Variants in CTBS observed in about 807,000 individuals in gnomAD.
The protein encoded by CTBS is chitobiase.
CTBS carries 35 observed loss-of-function variants against 44.3 expected under a neutral mutation model. The ratio of observed to expected loss-of-function variants is 0.79; its 90% CI spans 0.60 to 1.05. CTBS has a LOEUF of 1.05. Among genes scored for constraint, CTBS ranks in the 50% least tolerant of loss-of-function variants. The pLI is 0.00. For synonymous variants in CTBS, 143 were observed against 168.0 expected, an observed-to-expected ratio of 0.85 and a Z score of 1.15; for missense variants, 458 against 475.3, an observed-to-expected ratio of 0.96 and a Z score of 0.34.
intron 1 of CTBS, among the ~76,000 whole-genome samples, chr1:84,572,698 C>G (rs1266919686): frequency 6.6e-6 from 1 of 150,792 alleles, no homozygotes; most frequent in South Asian, 2.1e-4. Context: ...CATAGTCTTG[C>G]TCTGTCGCCC....
rs1684334464 is a variant in CTBS, at chr1:84,553,398, C to T, written c.*1601G>A. ...ATTTTAATAATTTAATAATAAAATT[C>T]AATAATAATTTATTTAACAATTTAA... On this transcript the variant is annotated 3_prime_UTR_variant, in exon 7 of 7. Transcript: ENST00000370630. 6.4e-6 allele frequency: 1 copy of T among 156,186 alleles called. No individual in the cohort carries two copies. Among genetic ancestry groups the T allele is most frequent in the East Asian group, 1.8e-4 (1 of 5,474 alleles). The allele number at this position is 156,186 out of a possible 1,614,324, so 9.7% of individuals were successfully genotyped here. A position where few individuals can be genotyped will look rare whatever the true frequency, so the allele number is the denominator to read the frequency against.
chr1:84,570,579 T>G lies in CTBS; in HGVS notation c.316+3A>C. ...TGCACACATAGATCTGGAAACAACA[T>G]ACCTTTAAGTACTACTCTGGCTCCT... On this transcript the variant is annotated splice_donor_region_variant and intron_variant, in intron 2 of 6. Coordinates refer to ENST00000370630, the MANE Select transcript of CTBS (RefSeq NM_004388.3). 6.2e-7 allele frequency: 1 copy of G among 1,605,182 alleles called. No homozygotes were observed. The highest frequency in any genetic ancestry group is 8.5e-7 in the Non-Finnish European group (1 of 1,175,124).
chr1:84,556,445 T>G (rs61699375), intron 6 of CTBS, among the ~76,000 whole-genome samples: 13,625 of 152,028 alleles, frequency 0.09, 1,198 homozygotes, highest in African/African-American at 0.23. Flanking sequence ...GGGCACGGTG[T>G]CTCAGGCCTG....
intron 6 of CTBS, among the ~76,000 whole-genome samples, chr1:84,557,972 T>C (rs1414322117): frequency 6.6e-6 from 1 of 152,114 alleles, no homozygotes; most frequent in Non-Finnish European, 1.5e-5. Context: ...CTAAAGAATG[T>C]GTTTCTTCAT....
chr1:84,568,174 A>G (rs1411336453), intron 3 of CTBS, among the ~76,000 whole-genome samples: 2 of 152,214 alleles, frequency 1.3e-5, no homozygotes, highest in Non-Finnish European at 2.9e-5. Context: ...AGATATTCCT[A>G]CTGCAAGGAT....
At chr1:84,572,465 T>C (rs1048594416) in intron 1 of CTBS, among the ~76,000 whole-genome samples, 25 of 150,818 alleles carry the variant, frequency 1.7e-4, no homozygotes, top group African/African-American at 6.1e-4. Flanking sequence ...GGTGAACTAA[T>C]TGAAAATATA....
chr1:84,558,320 C>T (rs1365455318), intron 6 of CTBS, among the ~76,000 whole-genome samples: 6 of 150,108 alleles, frequency 4.0e-5, no homozygotes, highest in Non-Finnish European at 7.4e-5. Flanking sequence ...GACGGAGTCT[C>T]GCTCTGTCGC....
Position 84,550,687 on chromosome 1 carries a change from A to T in CTBS, c.*4312T>A. 4.2e-6 allele frequency: 5 copies of T among 1,198,004 alleles called. No individual in the cohort carries two copies. Among genetic ancestry groups the T allele is most frequent in the Non-Finnish European group, 5.2e-6 (5 of 957,290 alleles). 74.2% of individuals were successfully genotyped at this position (1,198,004 alleles called of 1,614,324 possible). ...GTAAAGAGCATAGGTGAAAAAAAAAATGCAGGAAGAAAAACTAAACCTGTG... is the reference window on the plus strand; with the variant it reads ...GTAAAGAGCATAGGTGAAAAAAAAATTGCAGGAAGAAAAACTAAACCTGTG... On this transcript the variant is annotated 3_prime_UTR_variant, in exon 7 of 7. Coordinates refer to ENST00000370630, the MANE Select transcript of CTBS (RefSeq NM_004388.3).
At position 84,571,628 on chromosome 1, in the gene CTBS, A is replaced by G. The variant is rs149720466; in HGVS notation, c.178-908T>C. On this transcript the variant is annotated intron_variant, in intron 1 of 6. Transcript: ENST00000370630. ...TTGGCAAATATTTATTGAATTTCCA[A>G]TAAGGTACAAGGAGAGTATTTTGCT... 5.9e-3 allele frequency among the ~76,000 whole-genome samples: 893 copies of G among 152,276 alleles called. 6 individuals carry two copies. The highest frequency in any genetic ancestry group is 0.017 in the African/African-American group (719 of 41,538).
intron 1 of CTBS, among the ~76,000 whole-genome samples, chr1:84,572,464 A>G (rs1319615775): frequency 2.0e-5 from 3 of 151,788 alleles, no homozygotes; most frequent in Non-Finnish European, 2.9e-5. Context: ...GGGTGAACTA[A>G]TTGAAAATAT....
At chr1:84,558,168 T>G (rs1390009136) in intron 6 of CTBS, among the ~76,000 whole-genome samples, 1 of 152,182 alleles carries the variant, frequency 6.6e-6, no homozygotes, top group Non-Finnish European at 1.5e-5. Context: ...TCTTACCATT[T>G]AAAAAATGGT....
At position 84,555,146 on chromosome 1, in the gene CTBS, A is replaced by G; in HGVS notation, c.1011T>C (p.Ser337=). ...QVWYDNPQSI[S]LKATYIQNYR... ...AGTTTTGTATATATGTTGCCTTTAA[A>G]GAAATACTCTGAGGGTTATCATACC... The change falls in exon 7 of 7, where the codon TCT becomes TCC. Residue 337 remains serine, a synonymous_variant. Coordinates refer to ENST00000370630, the MANE Select transcript of CTBS (RefSeq NM_004388.3). 1 of 1,614,074 alleles carries G rather than the reference A, an allele frequency of 6.2e-7. No individual in the cohort carries two copies. Among genetic ancestry groups the G allele is most frequent in the Non-Finnish European group, 8.5e-7 (1 of 1,179,956 alleles).
At chr1:84,566,880 C>T (rs896207796) in intron 3 of CTBS, among the ~76,000 whole-genome samples, 28 of 152,164 alleles carry the variant, frequency 1.8e-4, no homozygotes, top group Non-Finnish European at 8.8e-5. Flanking sequence ...GCTGATCTGC[C>T]GATCTCAGCC....
intron 3 of CTBS, among the ~76,000 whole-genome samples, chr1:84,566,402 G>C (rs887533905): frequency 6.6e-6 from 1 of 152,080 alleles, no homozygotes; most frequent in Non-Finnish European, 1.5e-5. Flanking sequence ...AAATACAAAA[G>C]TTTTTAAAAT....
In CTBS at chr1:84,563,385, G is replaced by C. The variant is rs138752249; in HGVS notation, c.829C>G (p.Arg277Gly). The C allele has an allele frequency of 2.5e-6, 4 of 1,574,620 alleles. No homozygotes were observed. Among genetic ancestry groups the C allele is most frequent in the East Asian group, 2.3e-5 (1 of 42,578 alleles). Residue 277 changes from arginine to glycine, a missense_variant, in exon 6 of 7, where the codon CGG becomes GGG. By Grantham distance (125) the Arg-to-Gly change is moderately radical (BLOSUM62 -2). Transcript: ENST00000370630. ...HVCTIAKVPF[R>G]GAPCSDAAGR... is the part of the protein sequence containing the mutation. ...GCAGCGTCACTACAAGGAGCCCCCC[G>C]GAAAGGGACTTTTGCAATGGTACAA...
intron 4 of CTBS, among the ~76,000 whole-genome samples, chr1:84,565,275 C>A (rs1684669448): frequency 6.6e-6 from 1 of 151,626 alleles, no homozygotes; most frequent in South Asian, 2.1e-4. Context: ...ACAAACCAAT[C>A]CAAACTTTGA....
Position 84,570,818 on chromosome 1 carries a change from T to TA in CTBS, c.178-99_178-98insT, listed in dbSNP as rs1647279496. ...AAACATCACCATACACCAAACACTA[T>TA]GGTGGCAGTGAGAGTACAAGTGCAT... On this transcript the variant is annotated intron_variant, in intron 1 of 6. Coordinates refer to ENST00000370630, the MANE Select transcript of CTBS (RefSeq NM_004388.3). 4.6e-5 allele frequency: 55 copies of TA among 1,204,462 alleles called. 2 individuals are homozygous for TA. The South Asian group carries it at 7.9e-4, about 17-fold the overall frequency. 74.6% of individuals were successfully genotyped at this position (1,204,462 alleles called of 1,614,324 possible). A position where few individuals can be genotyped will look rare whatever the true frequency, so the allele number is the denominator to read the frequency against.
chr1:84,570,467 G>C (rs1414927665), intron 2 of CTBS, 115 bp downstream of exon 2: 1 of 825,810 alleles, frequency 1.2e-6, no homozygotes, highest in African/African-American at 1.7e-5. Flanking sequence ...ATTAATTATA[G>C]GATCCTAACA....
chr1:84,555,639 A>G lies in CTBS; in HGVS notation c.958-440T>C, dbSNP rs761662114. ...ATAGATTCTACTTGAGCTCCTTTTC[A>G]TGTCCTAAGATTCTTTCCTTGCCCT... On this transcript the variant is annotated intron_variant, in intron 6 of 6. Transcript: ENST00000370630. 4.7e-4 allele frequency among the ~76,000 whole-genome samples: 71 copies of G among 152,208 alleles called. 1 individual carries two copies. Among genetic ancestry groups the G allele is most frequent in the Non-Finnish European group, 1.8e-4 (12 of 68,040 alleles).
Sources: allele counts gnomAD v4.1 joint callset (sites outside exome capture counted in the v4.1 genomes callset), GRCh38; gene constraint gnomAD v4.1.1; transcripts MANE v1.5; gene names NCBI Gene and HGNC (gene_info 2026-07-23, HGNC 2026-07-21).